NAALADL2: variants seen among roughly 807,000 people sequenced by gnomAD.
The protein encoded by NAALADL2 is inactive N-acetylated-alpha-linked acidic dipeptidase-like protein 2.
Under a neutral mutation model 87.2 loss-of-function variants are expected in NAALADL2, and 76 were observed. The ratio of observed to expected loss-of-function variants is 0.87; its 90% CI spans 0.72 to 1.05. The LOEUF is 1.05. NAALADL2 is among the 50% of genes least tolerant of loss of function. NAALADL2 has a pLI of 0.00. For missense variants in NAALADL2, 1,089 were observed against 945.8 expected, an observed-to-expected ratio of 1.15 and a Z score of -1.99; for synonymous variants, 354 against 331.0, an observed-to-expected ratio of 1.07 and a Z score of -0.75.
chr3:174,621,998 A>G (rs968145332), intron 2 of NAALADL2, among the ~76,000 whole-genome samples: 4 of 152,194 alleles, frequency 2.6e-5, no homozygotes, highest in African/African-American at 9.6e-5. Flanking sequence ...AGCTCTAGCC[A>G]TCACACTCAG....
intron 1 of NAALADL2, among the ~76,000 whole-genome samples, chr3:174,471,788 A>G (rs932804914): frequency 2.6e-5 from 4 of 152,122 alleles, no homozygotes; most frequent in African/African-American, 9.6e-5. Context: ...TAAATAAAAA[A>G]TATGTAATTC....
At chr3:174,953,129 C>T (rs2108518542) in intron 1 of NAALADL2, among the ~76,000 whole-genome samples, 1 of 152,034 alleles carries the variant, frequency 6.6e-6, no homozygotes, top group South Asian at 2.1e-4. Context: ...ACAGGAAGGT[C>T]TAGAAATGTG....
At chr3:175,727,359 C>T (rs1455168351) in intron 11 of NAALADL2, among the ~76,000 whole-genome samples, 1 of 152,164 alleles carries the variant, frequency 6.6e-6, no homozygotes, top group African/African-American at 2.4e-5. Flanking sequence ...AAGTTTAACA[C>T]TGTTTGCTAA....
chr3:175,721,620 G>A (rs1210824154), intron 11 of NAALADL2, among the ~76,000 whole-genome samples: 1 of 151,968 alleles, frequency 6.6e-6, no homozygotes, highest in Non-Finnish European at 1.5e-5. Context: ...TGGATATACA[G>A]GCATCAACTA....
intron 1 of NAALADL2, among the ~76,000 whole-genome samples, chr3:174,529,253 T>C (rs1721031089): frequency 1.3e-5 from 2 of 152,200 alleles, no homozygotes; most frequent in Admixed American, 1.3e-4. Context: ...CAACCAAATT[T>C]TAAAGCTCCA....
chr3:174,826,028 AAACAACAACAACAAC>A (rs71624294), intron 3 of NAALADL2, among the ~76,000 whole-genome samples: 7 of 150,458 alleles, frequency 4.7e-5, no homozygotes, highest in Non-Finnish European at 7.4e-5. Context: ...ACTCCATCTC[AAACAACAACAACAAC>A]AACAACAACG....
chr3:175,353,130 G>GTT (rs1307740410), intron 5 of NAALADL2, among the ~76,000 whole-genome samples: 9 of 135,388 alleles, frequency 6.6e-5, no homozygotes, highest in Non-Finnish European at 1.2e-4. Context: ...GTGTGTGTGT[G>GTT]TGTGTGTGTT....
chr3:174,519,308 TGAATGAATGAAGA>T (rs1720120201), intron 1 of NAALADL2, among the ~76,000 whole-genome samples: 7 of 149,694 alleles, frequency 4.7e-5, no homozygotes, highest in African/African-American at 1.8e-4. Flanking sequence ...TTGAAACAAG[TGAATGAATGAAGA>T]TTTCCTTTTT....
chr3:175,704,258 G>T (rs1362011042), intron 11 of NAALADL2, among the ~76,000 whole-genome samples: 1 of 152,066 alleles, frequency 6.6e-6, no homozygotes, highest in Admixed American at 6.6e-5. Flanking sequence ...GGGGCTGTTC[G>T]CTGTGGAAAA....
At chr3:175,775,662 T>C (rs1200321899) in intron 13 of NAALADL2, among the ~76,000 whole-genome samples, 2 of 152,154 alleles carry the variant, frequency 1.3e-5, no homozygotes, top group Admixed American at 6.6e-5. Context: ...TCTGTTCGCC[T>C]GAATTCATCT....
intron 5 of NAALADL2, among the ~76,000 whole-genome samples, chr3:175,434,307 A>G (rs2149173738): frequency 6.6e-6 from 1 of 152,104 alleles, no homozygotes; most frequent in Non-Finnish European, 1.5e-5. Flanking sequence ...GTGGAAAACT[A>G]TCCCAGAGTC....
chr3:175,735,811 T>C (rs990318580), intron 11 of NAALADL2, among the ~76,000 whole-genome samples: 2 of 152,162 alleles, frequency 1.3e-5, no homozygotes, highest in Non-Finnish European at 2.9e-5. Context: ...TATCAAATAT[T>C]AAATGGAATT....
At chr3:174,527,603 T>G (rs918292623) in intron 1 of NAALADL2, among the ~76,000 whole-genome samples, 3 of 152,140 alleles carry the variant, frequency 2.0e-5, no homozygotes, top group Non-Finnish European at 4.4e-5. Context: ...GTCTAGACTT[T>G]TGTCAAAGCC....
intron 13 of NAALADL2, among the ~76,000 whole-genome samples, chr3:175,760,152 C>T (rs2150146003): frequency 6.6e-6 from 1 of 152,220 alleles, no homozygotes; most frequent in Non-Finnish European, 1.5e-5. Flanking sequence ...TTGTGTGGCT[C>T]TAAGAGTCTC....
intron 6 of NAALADL2, among the ~76,000 whole-genome samples, chr3:175,461,532 A>G (rs1239017354): frequency 6.6e-6 from 1 of 152,176 alleles, no homozygotes; most frequent in Non-Finnish European, 1.5e-5. Context: ...CACTCTAGCT[A>G]CTTCCAGTAA....
intron 2 of NAALADL2, among the ~76,000 whole-genome samples, chr3:175,132,699 G>T (rs1728314301): frequency 6.9e-6 from 1 of 144,826 alleles, no homozygotes; most frequent in African/African-American, 2.6e-5. Flanking sequence ...CAGCTGGCTG[G>T]GCAGAGGGGC....
chr3:174,634,145 G>A (rs1294503797), intron 2 of NAALADL2, among the ~76,000 whole-genome samples: 1 of 152,134 alleles, frequency 6.6e-6, no homozygotes, highest in Non-Finnish European at 1.5e-5. Flanking sequence ...TAGCTGTTGA[G>A]TTTTCAGAAT....
At chr3:174,881,486 TA>T (rs1464535729) in intron 1 of NAALADL2, among the ~76,000 whole-genome samples, 1 of 152,152 alleles carries the variant, frequency 6.6e-6, no homozygotes, top group African/African-American at 2.4e-5. Flanking sequence ...TTGGGATAAA[TA>T]AAATATGTAA....
chr3:175,668,775 C>T (rs1733546905), intron 11 of NAALADL2, among the ~76,000 whole-genome samples: 2 of 152,064 alleles, frequency 1.3e-5, no homozygotes, highest in South Asian at 4.1e-4. Context: ...TCTCAGTTTT[C>T]CGTGCGATAT....
Sources: gnomAD v4.1 joint callset for allele counts (sites outside exome capture counted in the v4.1 genomes callset) on GRCh38, gnomAD v4.1.1 for gene constraint, MANE v1.5 for transcripts, NCBI Gene and HGNC (gene_info 2026-07-23, HGNC 2026-07-21) for gene names.